Variants in SIM2 observed in about 807,000 individuals in gnomAD.
SIM2 encodes the protein SIM bHLH transcription factor 2, also known as single-minded homolog 2.
SIM2 carries 28 observed loss-of-function variants against 64.8 expected under a neutral mutation model. That is an observed-to-expected ratio of 0.43 (90% CI 0.32 to 0.59). SIM2 has a LOEUF of 0.59. Ranked by LOEUF, SIM2 falls within the 20% of genes least tolerant of loss-of-function variation. The pLI, the probability that SIM2 is intolerant of heterozygous loss-of-function variation, is 0.07. For missense variants in SIM2, 847 were observed against 871.4 expected, an observed-to-expected ratio of 0.97 and a Z score of 0.35; for synonymous variants, 408 against 391.1, an observed-to-expected ratio of 1.04 and a Z score of -0.51.
intron 1 of SIM2, among the ~76,000 whole-genome samples, chr21:36,702,445 C>T (rs8130149): frequency 6.6e-5 from 10 of 152,092 alleles, no homozygotes; most frequent in African/African-American, 2.2e-4. Context: ...GACCTGGAGC[C>T]GGTGGACTCA....
intron 2 of SIM2, among the ~76,000 whole-genome samples, chr21:36,711,733 T>A (rs1239536779): frequency 6.6e-6 from 1 of 152,232 alleles, no homozygotes; most frequent in Non-Finnish European, 1.5e-5. Flanking sequence ...AAAATATGAA[T>A]GAGTAAATAA....
chr21:36,744,589 G>A (rs1342024775), intron 9 of SIM2, 139 bp from the exon 10 acceptor site: 28 of 1,060,000 alleles, frequency 2.6e-5, no homozygotes, highest in Non-Finnish European at 3.7e-5. Context: ...CCTGTCCCCA[G>A]TGGGACCTTG....
rs767010340 is a variant in SIM2, at chr21:36,726,093, G to C, written c.544-26G>C. 2 of 1,600,862 alleles carry C rather than the reference G, an allele frequency of 1.2e-6. No homozygotes were observed. The highest frequency in any genetic ancestry group is 2.7e-5 in the African/African-American group (2 of 74,738). ...TCCAGCCCAACCCCAGTGGCCAGTG[G>C]CTGACCCTGCCCTCTCCACTCCCAG... On this transcript the variant is annotated intron_variant, in intron 5 of 10. Transcript: ENST00000290399. The surrounding 1 kb of genome is among the most constrained non-coding windows in gnomAD (Gnocchi z 4.5).
chr21:36,744,067 G>A (rs1286098589), intron 9 of SIM2, among the ~76,000 whole-genome samples: 1 of 152,084 alleles, frequency 6.6e-6, no homozygotes, highest in African/African-American at 2.4e-5. Context: ...TGGCCAACAT[G>A]GTGATACTCC....
At chr21:36,742,687 C>T (rs2089178346) in intron 8 of SIM2, among the ~76,000 whole-genome samples, 1 of 152,204 alleles carries the variant, frequency 6.6e-6, no homozygotes, top group South Asian at 2.1e-4. Context: ...TGCCATGCCG[C>T]CAGCCCCATG....
rs1374006738 is a variant in SIM2, at chr21:36,749,451, T to C, written c.*1359T>C. ...CTGCTCTCAAAATGTGAACTGACTT[T>C]TTTTTTTTTTTTTTTGCCAACCCTG... is the stretch of plus-strand genomic sequence containing the variant. On this transcript the variant is annotated 3_prime_UTR_variant, in exon 11 of 11. Transcript: ENST00000290399. 6.7e-6 allele frequency: 1 copy of C among 148,640 alleles called. No homozygotes were observed. The highest frequency in any genetic ancestry group is 1.5e-5 in the Non-Finnish European group (1 of 66,692). The allele number at this position is 148,640 out of a possible 1,614,324, so 9.2% of individuals were successfully genotyped here. A position where few individuals can be genotyped will look rare whatever the true frequency, so the allele number is the denominator to read the frequency against.
intron 1 of SIM2, among the ~76,000 whole-genome samples, chr21:36,703,699 T>G (rs1475806959): frequency 6.6e-6 from 1 of 152,072 alleles, no homozygotes; most frequent in Non-Finnish European, 1.5e-5. Context: ...TGGAGGGTGG[T>G]TAAGATAAGC....
intron 1 of SIM2, among the ~76,000 whole-genome samples, chr21:36,702,375 G>A (rs1248224242): frequency 2.6e-5 from 4 of 152,240 alleles, no homozygotes; most frequent in Non-Finnish European, 5.9e-5. Context: ...CTCGGAAAGG[G>A]AAGGGAGCAG....
Position 36,745,075 on chromosome 21 carries a change from TA to T in SIM2, c.1520del (p.Asn507IlefsTer199), listed in dbSNP as rs2089212823. Reference sequence around the variant, plus strand: ...TAGTGCCTAGCAGCTCGTCTCCAGCTAAAAATCCTCCAGAGCCACCGGCGAA... The same window carrying T: ...TAGTGCCTAGCAGCTCGTCTCCAGCTAAAATCCTCCAGAGCCACCGGCGAA... Reference protein sequence around the residue: ...PLVPSSSSPAKNPPEPPANTA... With the variant: ...PLVPSSSSPAXNPPEPPANTA... On this transcript the variant is annotated frameshift_variant, in exon 10 of 11. Coordinates refer to ENST00000290399, the MANE Select transcript of SIM2 (RefSeq NM_005069.6). LOFTEE classifies it high-confidence loss of function. The surrounding 1 kb of genome is among the most constrained non-coding windows in gnomAD (Gnocchi z 4.8). The T allele has an allele frequency of 6.2e-7, 1 of 1,613,316 alleles. No homozygotes were observed. Among genetic ancestry groups the T allele is most frequent in the Non-Finnish European group, 8.5e-7 (1 of 1,179,426 alleles).
chr21:36,709,072 G>C, intron 1 of SIM2, 96 bp from the exon 2 acceptor site: 1 of 1,068,692 alleles, frequency 9.4e-7, no homozygotes. Flanking sequence ...TCGTGGGGAG[G>C]GCTGGCAGGG....
In SIM2 at chr21:36,726,454, C is replaced by G. The variant is rs1406115971; in HGVS notation, c.743+136C>G. 4.3e-6 allele frequency: 3 copies of G among 699,142 alleles called. No individual in the cohort carries two copies. Among genetic ancestry groups the G allele is most frequent in the Non-Finnish European group, 7.1e-6 (3 of 423,392 alleles). 43.3% of individuals were successfully genotyped at this position (699,142 alleles called of 1,614,324 possible). A position where few individuals can be genotyped will look rare whatever the true frequency, so the allele number is the denominator to read the frequency against. On this transcript the variant is annotated intron_variant, in intron 6 of 10. Transcript: ENST00000290399. This position sits in a 1 kb window ranked among gnomAD's most constrained non-coding sequence, Gnocchi z 4.5. ...AATAGGAATGTGGATTAAGCAAAAC[C>G]AATTTATGAACTGAAAGAACATATG...
intron 6 of SIM2, among the ~76,000 whole-genome samples, chr21:36,729,261 C>T (rs116115501): frequency 0.011 from 1,624 of 152,162 alleles, 35 homozygotes; most frequent in African/African-American, 0.036. Context: ...GGAAAACAGA[C>T]GGCTCAATTT....
chr21:36,702,939 GAAGAAAA>G (rs2088524526), intron 1 of SIM2, among the ~76,000 whole-genome samples: 1 of 131,122 alleles, frequency 7.6e-6, no homozygotes, highest in Non-Finnish European at 1.5e-5. Flanking sequence ...ACTCTGGGAG[GAAGAAAA>G]AAAAAAAAAG....
intron 5 of SIM2, among the ~76,000 whole-genome samples, chr21:36,723,718 G>A (rs767917802): frequency 3.3e-5 from 5 of 152,186 alleles, no homozygotes; most frequent in South Asian, 2.1e-4. Context: ...GCTTGGTGGC[G>A]GAGCTGGGAC....
chr21:36,704,031 A>G (rs779955501), intron 1 of SIM2, among the ~76,000 whole-genome samples: 4 of 152,228 alleles, frequency 2.6e-5, no homozygotes, highest in Non-Finnish European at 5.9e-5. Flanking sequence ...CCCCAACCCG[A>G]AAGACCCAAG....
At chr21:36,704,030 G>A (rs1342173399) in intron 1 of SIM2, among the ~76,000 whole-genome samples, 2 of 152,210 alleles carry the variant, frequency 1.3e-5, no homozygotes, top group East Asian at 3.8e-4. Context: ...TCCCCAACCC[G>A]AAAGACCCAA....
intron 1 of SIM2, among the ~76,000 whole-genome samples, chr21:36,704,471 C>T (rs2088551213): frequency 6.6e-6 from 1 of 152,246 alleles, no homozygotes; most frequent in Non-Finnish European, 1.5e-5. Flanking sequence ...CCCGCAGGCG[C>T]AGAGGGGACA....
At chr21:36,740,452 C>A (rs1601056442) in intron 7 of SIM2, among the ~76,000 whole-genome samples, 1 of 152,164 alleles carries the variant, frequency 6.6e-6, no homozygotes, top group South Asian at 2.1e-4. Context: ...ATTCTTTGAT[C>A]TTTGCCTATA....
At chr21:36,736,192 G>A (rs2089045126) in intron 7 of SIM2, among the ~76,000 whole-genome samples, 2 of 152,186 alleles carry the variant, frequency 1.3e-5, no homozygotes, top group South Asian at 4.2e-4. Flanking sequence ...ACAGTGAGAT[G>A]CCCAGACGCA....
Sources: gnomAD v4.1 joint callset for allele counts (sites outside exome capture counted in the v4.1 genomes callset) on GRCh38, gnomAD v4.1.1 for gene constraint, Gnocchi (gnomAD v3.1) non-coding constraint, MANE v1.5 for transcripts, NCBI Gene and HGNC (gene_info 2026-07-23, HGNC 2026-07-21) for gene names.